The following SPG21 variants were observed in gnomAD, a reference collection of about 807,000 sequenced individuals.
The protein encoded by SPG21 is maspardin.
SPG21 carries 26 observed loss-of-function variants against 38.9 expected under a neutral mutation model. The ratio of observed to expected loss-of-function variants is 0.67; its 90% confidence interval spans 0.49 to 0.93. The LOEUF is 0.93. Ranked by LOEUF, SPG21 falls within the 40% of genes least tolerant of loss-of-function variation. SPG21 has a pLI of 0.00. For synonymous variants in SPG21, 136 were observed against 128.9 expected (o/e 1.05, Z -0.37); for missense variants, 333 against 376.5 (o/e 0.88, Z 0.96).
In SPG21 at chr15:64,963,684, A is replaced by C; in HGVS notation, c.863T>G (p.Met288Arg). ...GTKYAAIDPS[M>R]VSAEELEVQK... is the part of the protein sequence containing the mutation. ...CACCTCAAGCTCCTCGGCACTGACC[A>C]TTGATGGGTCAATGGCCGCGTATTT... Residue 288 changes from methionine (M) to arginine (R), a missense_variant, in exon 9 of 9, where the codon ATG becomes AGG. Physicochemically the swap from Met to Arg is moderately conservative, Grantham distance 91 (BLOSUM62 -1). Coordinates refer to ENST00000204566, the MANE Select transcript of SPG21 (RefSeq NM_016630.7). The C allele has an allele frequency of 1.2e-6, 2 of 1,614,224 alleles. No homozygotes were observed. The highest frequency in any genetic ancestry group is 1.7e-6 in the Non-Finnish European group (2 of 1,180,040).
chr15:64,981,289 C>CAT, intron 2 of SPG21: 1 of 280,868 alleles, frequency 3.6e-6, no homozygotes, highest in Non-Finnish European at 6.7e-6. Context: ...CCCCCTCCTC[C>CAT]TTTTTTTTTT....
intron 3 of SPG21, among the ~76,000 whole-genome samples, chr15:64,977,509 C>G (rs1360204645): frequency 6.6e-6 from 1 of 152,048 alleles, no homozygotes; most frequent in East Asian, 1.9e-4. Context: ...CAGGCATGCA[C>G]CACCATGCCT....
chr15:64,983,483 G>C, intron 2 of SPG21, 24 bp downstream of exon 2: 2 of 1,510,090 alleles, frequency 1.3e-6, no homozygotes, highest in Non-Finnish European at 1.8e-6. Flanking sequence ...TTGCAAATAA[G>C]AGGTATAGTA....
At chr15:64,963,777 CT>C in intron 8 of SPG21, 41 bp from the exon 9 acceptor site, 1 of 1,575,202 alleles carries the variant, frequency 6.3e-7, no homozygotes, top group African/African-American at 1.3e-5. Flanking sequence ...ATTTTTTGAG[CT>C]GGAGTGTCAC....
Position 64,970,732 on chromosome 15 carries a change from A to T in SPG21, c.453-510T>A, listed in dbSNP as rs1034478748. ...ATTGATATTTATAGATTTATTTTTT[A>T]AATTTATTATTGTTATTATTTTTTG... On this transcript the variant is annotated intron_variant, in intron 5 of 8. Coordinates refer to ENST00000204566, the MANE Select transcript of SPG21 (RefSeq NM_016630.7). 8.3e-4 allele frequency among the ~76,000 whole-genome samples: 127 copies of T among 152,224 alleles called. 1 individual carries two copies. Among genetic ancestry groups the T allele is most frequent in the African/African-American group, 2.9e-3 (122 of 41,558 alleles).
chr15:64,983,835 T>C (rs1050765648), intron 1 of SPG21, among the ~76,000 whole-genome samples: 1 of 150,828 alleles, frequency 6.6e-6, no homozygotes, highest in Non-Finnish European at 1.5e-5. Context: ...CAGGCTGGAG[T>C]GCAGTGGCGT....
chr15:64,978,891 C>T (rs2085833476), intron 3 of SPG21, among the ~76,000 whole-genome samples: 1 of 152,204 alleles, frequency 6.6e-6, no homozygotes, highest in Non-Finnish European at 1.5e-5. Flanking sequence ...TTTTGTACTA[C>T]AGTTTTGCAA....
intron 1 of SPG21, among the ~76,000 whole-genome samples, chr15:64,984,751 CCTTTT>C (rs576782992): frequency 2.3e-4 from 29 of 128,512 alleles, no homozygotes; most frequent in African/African-American, 7.8e-4. Flanking sequence ...CATGTAGTTC[CCTTTT>C]TTTTTTTTTT....
intron 1 of SPG21, among the ~76,000 whole-genome samples, chr15:64,985,298 A>T (rs2085969131): frequency 6.6e-6 from 1 of 152,176 alleles, no homozygotes; most frequent in African/African-American, 2.4e-5. Flanking sequence ...CTCATCTATG[A>T]CTGTGTTACC....
chr15:64,980,774 GTGCCCATTACTA>G, intron 3 of SPG21, 78 bp downstream of exon 3: 1 of 1,269,250 alleles, frequency 7.9e-7, no homozygotes, highest in East Asian at 2.4e-5. Flanking sequence ...CAAACAAACT[GTGCCCATTACTA>G]TAGCTGATGA....
Position 64,974,657 on chromosome 15 carries a change from G to A in SPG21, c.397C>T (p.Leu133Phe), listed in dbSNP as rs1304588655. 1 of 1,614,168 alleles carries A rather than the reference G, an allele frequency of 6.2e-7. No homozygotes were observed. The highest frequency in any genetic ancestry group is 8.5e-7 in the Non-Finnish European group (1 of 1,180,030). ...GAGGTGTCACTGAAGGAATTGCAGA[G>A]GATTAGGGAATGGACTCTAGGAGAT... ...HKSPRVHSLI[L>F]CNSFSDTSIF... Residue 133 changes from leucine to phenylalanine, a missense_variant, in exon 5 of 9, where the codon CTC becomes TTC. By Grantham distance (22) the Leu-to-Phe change is conservative. Transcript: ENST00000204566.
chr15:64,986,334 C>T (rs964145034), intron 1 of SPG21, among the ~76,000 whole-genome samples: 2 of 151,746 alleles, frequency 1.3e-5, no homozygotes, highest in African/African-American at 4.8e-5. Flanking sequence ...CCACTGCACT[C>T]CAGCCTGGGC....
rs117157466 is a variant in SPG21 at position 64,984,510 on chromosome 15, C to T, written c.-24-917G>A. 4.5e-4 allele frequency among the ~76,000 whole-genome samples: 68 copies of T among 152,154 alleles called. 1 individual carries two copies. The East Asian group carries it at 9.3e-3, about 21-fold the overall frequency. ...CTGAGACAATGGGCACACACCACCA[C>T]GTCAGGTGAATTTTTTGGTTTTGTA... On this transcript the variant is annotated intron_variant, in intron 1 of 8. Coordinates refer to ENST00000204566, the MANE Select transcript of SPG21 (RefSeq NM_016630.7).
chr15:64,986,782 A>G (rs1368232769), intron 1 of SPG21, among the ~76,000 whole-genome samples: 1 of 152,224 alleles, frequency 6.6e-6, no homozygotes, highest in Non-Finnish European at 1.5e-5. Context: ...AGCTGATTAT[A>G]ACTTTTAATT....
chr15:64,975,866 C>A (rs1000284519), intron 4 of SPG21, among the ~76,000 whole-genome samples: 6 of 152,064 alleles, frequency 3.9e-5, no homozygotes, highest in African/African-American at 1.4e-4. Context: ...AAAAAGACCA[C>A]ATATGATACG....
intron 7 of SPG21, among the ~76,000 whole-genome samples, chr15:64,966,890 CTT>C (rs1204324917): frequency 1.7e-5 from 2 of 119,700 alleles, no homozygotes; most frequent in East Asian, 4.8e-4. Flanking sequence ...CTGAGTGAGA[CTT>C]TGTCTCAAAA....
chr15:64,980,610 C>T (rs1205203525), intron 3 of SPG21, among the ~76,000 whole-genome samples: 3 of 151,630 alleles, frequency 2.0e-5, no homozygotes, highest in East Asian at 1.9e-4. Flanking sequence ...TAGTGGCGGG[C>T]GCCTGTAATC....
At chr15:64,971,172 C>T (rs1159930416) in intron 5 of SPG21, among the ~76,000 whole-genome samples, 1 of 152,172 alleles carries the variant, frequency 6.6e-6, no homozygotes, top group African/African-American at 2.4e-5. Context: ...ATCCTTCTAC[C>T]TTGGCCTCCC....
intron 1 of SPG21, among the ~76,000 whole-genome samples, chr15:64,984,022 G>A (rs2085938463): frequency 6.6e-6 from 1 of 152,164 alleles, no homozygotes; most frequent in Non-Finnish European, 1.5e-5. Flanking sequence ...GACCTCAGGT[G>A]ATCCACCCAC....
Sources: gnomAD v4.1 joint callset for allele counts (sites outside exome capture counted in the v4.1 genomes callset) on GRCh38, gnomAD v4.1.1 for gene constraint, MANE v1.5 for transcripts, NCBI Gene and HGNC (gene_info 2026-07-23, HGNC 2026-07-21) for gene names.